The following GTPBP6 variants were observed in gnomAD, a reference collection of about 807,000 sequenced individuals.
GTPBP6 encodes putative GTP-binding protein 6.
In GTPBP6, 33 loss-of-function variants were observed where a neutral mutation model predicts 28.9. The observed-to-expected ratio is 1.14, with a 90% CI of 0.87 to 1.53. The LOEUF is 1.53. GTPBP6 is among the 40% of genes most tolerant of loss of function. The probability of loss-of-function intolerance (pLI) is 0.00; values close to 1 mark genes in which losing one functional copy is unlikely to be tolerated. For missense variants in GTPBP6, 507 were observed against 408.3 expected (o/e 1.24, Z -2.08); for synonymous variants, 231 against 192.7 (o/e 1.20, Z -1.65).
chrX:314,033 G>A, intron 5 of GTPBP6, 117 bp downstream of exon 5: 1 of 822,352 alleles, frequency 1.2e-6, no homozygotes. Context: ...GCTACCAGGA[G>A]ACGGAGACCC....
exon 9 of GTPBP6, chrX:307,383 C>T (rs2124446213): frequency 6.2e-7 from 1 of 1,612,528 alleles, no homozygotes; most frequent in East Asian, 2.2e-5. Flanking sequence ...CTGCGAGCCT[C>T]ACACGGAGAG....
intron 1 of GTPBP6, among the ~76,000 whole-genome samples, chrX:317,725 CACCCCACGG>C (rs1350789625): frequency 5.7e-5 from 7 of 122,752 alleles, no homozygotes; most frequent in Admixed American, 8.1e-5. Context: ...CACCCCACCC[CACCCCACGG>C]ACCCCACGGG....
chrX:311,297 G>T (rs865934017), intron 7 of GTPBP6, 122 bp downstream of exon 7: 1 of 593,614 alleles, frequency 1.7e-6, no homozygotes, highest in African/African-American at 2.5e-5. Context: ...GGTGTCCGAG[G>T]GCCCGGCCCC....
At chrX:305,068 G>A (rs374033754) in exon 10 of GTPBP6, 60 of 1,612,044 alleles carry the variant, frequency 3.7e-5, no homozygotes, top group African/African-American at 2.0e-4. Flanking sequence ...CTCTGTGGGC[G>A]TCCGTTCATC....
intron 7 of GTPBP6, among the ~76,000 whole-genome samples, chrX:309,770 G>GC (rs1394333168): frequency 2.3e-5 from 3 of 128,006 alleles, no homozygotes; most frequent in Non-Finnish European, 4.9e-5. Context: ...CTGAACTGTG[G>GC]CCCCCCACAA....
rs1420623730 is a variant in GTPBP6 at position 318,793 on chromosome X, G to A, written c.-6C>T. 6.5e-6 allele frequency: 2 copies of A among 305,660 alleles called. No homozygotes were observed. The highest frequency in any genetic ancestry group is 1.0e-4 in the East Asian group (2 of 19,210). 18.9% of individuals were successfully genotyped at this position (305,660 alleles called of 1,614,324 possible). A position where few individuals can be genotyped will look rare whatever the true frequency, so the allele number is the denominator to read the frequency against. ...GCGGCCCGCAGGGCCCACATGGCGC[G>A]TCTGGAGGCTGAACGTTGGGGCGGG... On this transcript the variant is annotated 5_prime_UTR_variant, in exon 1 of 10. In the 5' UTR this introduces an upstream ATG that the reference lacks. Coordinates refer to ENST00000326153, the Ensembl canonical transcript of GTPBP6.
At chrX:305,231 A>G (rs995491101) in intron 9 of GTPBP6, 34 bp from the exon 10 acceptor site, 3 of 1,480,516 alleles carry the variant, frequency 2.0e-6, no homozygotes, top group African/African-American at 2.8e-5. Context: ...GGAGACAAGC[A>G]GAACCCGTAA....
intron 7 of GTPBP6, among the ~76,000 whole-genome samples, chrX:309,449 G>A (rs1196070453): frequency 3.4e-5 from 5 of 148,912 alleles, no homozygotes; most frequent in Non-Finnish European, 5.9e-5. Flanking sequence ...TCCAACGACC[G>A]ACCGGTATGT....
chrX:315,537 AAC>A (rs1353472014), intron 2 of GTPBP6, among the ~76,000 whole-genome samples: 29 of 115,622 alleles, frequency 2.5e-4, no homozygotes, highest in Admixed American at 6.8e-4. Flanking sequence ...CAGGGACACA[AAC>A]ACATACACAC....
intron 2 of GTPBP6, among the ~76,000 whole-genome samples, chrX:316,642 T>C (rs1395358533): frequency 1.3e-5 from 2 of 152,170 alleles, no homozygotes; most frequent in East Asian, 1.9e-4. Context: ...GTCCACCGCC[T>C]ACCCTGTTTG....
At chrX:312,787 C>G (rs763044251) in exon 6 of GTPBP6, 1 of 1,612,328 alleles carries the variant, frequency 6.2e-7, no homozygotes, top group Admixed American at 1.7e-5. Flanking sequence ...TACCCCACCA[C>G]GGAGATCACG....
exon 8 of GTPBP6, chrX:307,861 C>T: frequency 1.3e-6 from 2 of 1,536,608 alleles, no homozygotes; most frequent in East Asian, 2.3e-5. Flanking sequence ...GCTGACGTCC[C>T]TCACGTGCAA....
chrX:314,284 G>T, intron 4 of GTPBP6, 67 bp from the exon 5 acceptor site: 2 of 1,308,188 alleles, frequency 1.5e-6, no homozygotes, highest in Non-Finnish European at 2.2e-6. Context: ...AGGTCGAGGT[G>T]AAGGTGAAGG....
intron 7 of GTPBP6, among the ~76,000 whole-genome samples, chrX:310,449 G>GC (rs1226973129): frequency 7.9e-5 from 9 of 114,612 alleles, no homozygotes; most frequent in Admixed American, 4.2e-4. Flanking sequence ...CTGAACTGTG[G>GC]CCCCCCACAA....
chrX:318,780 G>A (rs1396997157), exon 1 of GTPBP6: 1 of 307,146 alleles, frequency 3.3e-6, no homozygotes, highest in Non-Finnish European at 6.0e-6. Context: ...GGCCCGCAGG[G>A]CCCACATGGC....
At chrX:311,794 G>C (rs2070306175) in intron 6 of GTPBP6, 167 bp from the exon 7 acceptor site, 4 of 634,490 alleles carry the variant, frequency 6.3e-6, no homozygotes, top group African/African-American at 1.8e-5. Context: ...CGACGCGTGG[G>C]ACAAAGCCAC....
chrX:307,544 C>A, intron 8 of GTPBP6, 32 bp from the exon 9 acceptor site: 1 of 1,605,894 alleles, frequency 6.2e-7, no homozygotes. Flanking sequence ...AGGCCCCGCT[C>A]AGCGTCGGGG....
At chrX:305,140 C>T (rs371530985) in exon 10 of GTPBP6, 33 of 1,613,468 alleles carry the variant, frequency 2.0e-5, no homozygotes, top group Middle Eastern at 1.6e-4. Flanking sequence ...TCACGTCGGC[C>T]GCCCCGTCCT....
exon 10 of GTPBP6, chrX:304,808 A>G: frequency 7.3e-7 from 1 of 1,368,436 alleles, no homozygotes; most frequent in Non-Finnish European, 9.4e-7. Context: ...GAGGGAAAGC[A>G]GTTCACAGCA....
Sources: allele counts gnomAD v4.1 joint callset (sites outside exome capture counted in the v4.1 genomes callset), GRCh38; gene constraint gnomAD v4.1.1; transcripts MANE v1.5; gene names NCBI Gene and HGNC (gene_info 2026-07-23, HGNC 2026-07-21).